Variants in MFAP1 observed in about 807,000 individuals in gnomAD.
MFAP1 encodes microfibrillar-associated protein 1.
A neutral mutation model predicts 62.2 loss-of-function variants in MFAP1; 18 were observed. The observed-to-expected ratio is 0.29, with a 90% CI of 0.20 to 0.43. The LOEUF (loss-of-function observed/expected upper bound fraction) is 0.43. Ranked by LOEUF, MFAP1 falls within the 20% of genes least tolerant of loss-of-function variation. The pLI is 1.00. For missense variants in MFAP1, 355 were observed against 559.7 expected (o/e 0.63, Z 3.69); for synonymous variants, 175 against 180.4 (o/e 0.97, Z 0.24).
intron 6 of MFAP1, among the ~76,000 whole-genome samples, chr15:43,811,272 G>A (rs1455962597): frequency 6.7e-6 from 1 of 150,304 alleles, no homozygotes; most frequent in Admixed American, 6.6e-5. Context: ...AAAATTAGCT[G>A]GGCGTGGTGG....
rs35298718 is a variant in MFAP1 at position 43,818,504 on chromosome 15, CAA to C, written c.80-1058_80-1057del. ...TTTATCCCAGCAATATAAAAACTAC[CAA>C]AAAAAAAAAAAGAAACAAAAAAAAA... On this transcript the variant is annotated intron_variant, in intron 1 of 8. Transcript: ENST00000267812. Among the ~76,000 whole-genome samples the C allele has an allele frequency of 2.0e-3, 248 of 124,372 alleles. 1 individual carries two copies. Among genetic ancestry groups the C allele is most frequent in the East Asian group, 0.012 (52 of 4,316 alleles). 81.6% of individuals were successfully genotyped at this position (124,372 alleles called of 152,430 possible).
At chr15:43,807,355 A>ATT (rs1031733990) in intron 7 of MFAP1, among the ~76,000 whole-genome samples, 2 of 143,656 alleles carry the variant, frequency 1.4e-5, no homozygotes, top group Non-Finnish European at 1.5e-5. Context: ...TATATATTTA[A>ATT]TTTTTTTTTT....
Position 43,805,185 on chromosome 15 carries a change from C to T in MFAP1, c.1229G>A (p.Ser410Asn), listed in dbSNP as rs2087355073. The stretch of plus-strand genomic sequence containing the variant: ...TTTGAAGAACTTTGTGTTCTGGGCA[C>T]TCTCTTGGCCCCAAGCTGAGTCAAA... ...TSFDSAWGQE[S>N]AQNTKFFKQK... Residue 410 changes from serine (S) to asparagine (N), a missense_variant, in exon 9 of 9, where the codon AGT (serine) becomes AAT (asparagine). By Grantham distance (46) the Ser-to-Asn change is conservative (BLOSUM62 1). Around this residue, in one of 6 missense-constraint regions of MFAP1, gnomAD observed 44 missense variants for 80.8 expected, o/e 0.54. Transcript: ENST00000267812. 1.2e-6 allele frequency: 2 copies of T among 1,603,304 alleles called. No homozygotes were observed. The highest frequency in any genetic ancestry group is 1.7e-6 in the Non-Finnish European group (2 of 1,170,782).
At chr15:43,822,126 A>C (rs1465122256) in intron 1 of MFAP1, among the ~76,000 whole-genome samples, 1 of 151,030 alleles carries the variant, frequency 6.6e-6, no homozygotes, top group African/African-American at 2.4e-5. Flanking sequence ...CATCGGCCGG[A>C]CGCAGTAGCT....
At position 43,813,550 on chromosome 15, in the gene MFAP1, G is replaced by A. The variant is rs531114358; in HGVS notation, c.618-193C>T. ...TTTTTGAGACGGAGTCTCACTTGTC[G>A]CCTAGGCTGCAGTGCAGTGGTGTGA... On this transcript the variant is annotated intron_variant, in intron 4 of 8. Coordinates refer to ENST00000267812, the MANE Select transcript of MFAP1 (RefSeq NM_005926.3). 3.5e-3 allele frequency among the ~76,000 whole-genome samples: 454 copies of A among 128,062 alleles called. 3 individuals are homozygous for A. The highest frequency in any genetic ancestry group is 0.013 in the African/African-American group (432 of 33,532). 84.0% of individuals were successfully genotyped at this position (128,062 alleles called of 152,430 possible). A position where few individuals can be genotyped will look rare whatever the true frequency, so the allele number is the denominator to read the frequency against.
Position 43,805,479 on chromosome 15 carries a change from A to G in MFAP1, c.1048-14T>C. ...TTCATCCTCATCCTGTATAAAAAAA[A>G]TCTTATCAATCTTGTGGCTTTATTT... On this transcript the variant is annotated splice_polypyrimidine_tract_variant and intron_variant, in intron 7 of 8. Transcript: ENST00000267812. The G allele has an allele frequency of 6.3e-7, 1 of 1,591,242 alleles. No individual in the cohort carries two copies. Among genetic ancestry groups the G allele is most frequent in the Non-Finnish European group, 8.5e-7 (1 of 1,171,642 alleles).
At chr15:43,805,330 A>G (rs1279522604) in intron 8 of MFAP1, 46 bp downstream of exon 8, 3 of 1,603,592 alleles carry the variant, frequency 1.9e-6, no homozygotes, top group South Asian at 1.1e-5. Context: ...TGCCTCAGCT[A>G]TCAATACATC....
At chr15:43,822,523 G>A (rs1321504404) in intron 1 of MFAP1, among the ~76,000 whole-genome samples, 7 of 152,002 alleles carry the variant, frequency 4.6e-5, no homozygotes, top group Non-Finnish European at 8.8e-5. Flanking sequence ...ACAGGCGTGC[G>A]CCATCACACC....
At chr15:43,817,535 T>G (rs1175571139) in intron 1 of MFAP1, 87 bp from the exon 2 acceptor site, 2 of 1,287,350 alleles carry the variant, frequency 1.6e-6, no homozygotes, top group Non-Finnish European at 2.2e-6. Context: ...GAGCCCTTTA[T>G]TCATAGTAGA....
In MFAP1 at chr15:43,804,545, G is replaced by C. The variant is rs2087349522; in HGVS notation, c.*549C>G. ...ATAGGCAATTAATACTTGTCAGCTT[G>C]GACATTTTATTTCCAGTATCATGCT... On this transcript the variant is annotated 3_prime_UTR_variant, in exon 9 of 9. Coordinates refer to ENST00000267812, the MANE Select transcript of MFAP1 (RefSeq NM_005926.3). The C allele has an allele frequency of 6.6e-6, 1 of 152,082 alleles. No individual in the cohort carries two copies. Among genetic ancestry groups the C allele is most frequent in the Non-Finnish European group, 1.5e-5 (1 of 68,036 alleles). 9.4% of individuals were successfully genotyped at this position (152,082 alleles called of 1,614,324 possible). A position where few individuals can be genotyped will look rare whatever the true frequency, so the allele number is the denominator to read the frequency against.
intron 7 of MFAP1, among the ~76,000 whole-genome samples, chr15:43,807,590 C>T (rs932374393): frequency 5.3e-5 from 8 of 151,640 alleles, no homozygotes; most frequent in African/African-American, 1.7e-4. Flanking sequence ...CCTCATGATC[C>T]GCCTGCCTTG....
At chr15:43,816,328 C>T (rs545881979) in intron 2 of MFAP1, among the ~76,000 whole-genome samples, 6 of 147,756 alleles carry the variant, frequency 4.1e-5, no homozygotes, top group African/African-American at 1.5e-4. Context: ...TCACTGCAAT[C>T]TCTGCCTGCC....
rs551890091 is a variant in MFAP1 at position 43,807,130 on chromosome 15, C to T, written c.1048-1665G>A. ...CTTTGGGATACTGAGGTGGGCACAT[C>T]GCCTAAGGTCAGGAGTTCAAGACCA... On this transcript the variant is annotated intron_variant, in intron 7 of 8. Transcript: ENST00000267812. 3.0e-4 allele frequency among the ~76,000 whole-genome samples: 46 copies of T among 151,792 alleles called. 1 individual carries two copies. The highest frequency in any genetic ancestry group is 7.2e-4 in the Admixed American group (11 of 15,242).
intron 7 of MFAP1, among the ~76,000 whole-genome samples, chr15:43,806,665 G>A (rs1281477043): frequency 1.3e-5 from 2 of 151,736 alleles, no homozygotes; most frequent in Non-Finnish European, 2.9e-5. Flanking sequence ...ACGAGGTCAC[G>A]AGTTCAAGAC....
chr15:43,816,772 GCT>G (rs2087436566), intron 2 of MFAP1, among the ~76,000 whole-genome samples: 1 of 152,134 alleles, frequency 6.6e-6, no homozygotes, highest in African/African-American at 2.4e-5. Flanking sequence ...TCACTGGGAG[GCT>G]CTCTTTCTAC....
chr15:43,824,458 A>C, intron 1 of MFAP1, 33 bp downstream of exon 1: 2 of 1,612,072 alleles, frequency 1.2e-6, no homozygotes, highest in Non-Finnish European at 1.7e-6. Flanking sequence ...AAGGGGTTAA[A>C]ATTCGACTGG....
chr15:43,812,896 G>T (rs1045361201), intron 6 of MFAP1, 91 bp downstream of exon 6: 1 of 1,423,484 alleles, frequency 7.0e-7, no homozygotes, highest in African/African-American at 1.4e-5. Context: ...TGGCTAGAAT[G>T]GAACTCACAG....
Position 43,824,573 on chromosome 15 carries a change from G to A in MFAP1, c.-4C>T, listed in dbSNP as rs769603823. 1 of 1,614,188 alleles carries A rather than the reference G, an allele frequency of 6.2e-7. No homozygotes were observed. ...TGAGAGCGCTTGGGACCGACATGTT[G>A]ATGGCAGCGACGGTGATTCCCGAAA... On this transcript the variant is annotated 5_prime_UTR_variant, in exon 1 of 9. Transcript: ENST00000267812.
intron 1 of MFAP1, among the ~76,000 whole-genome samples, chr15:43,823,128 C>T (rs1445364867): frequency 2.0e-5 from 3 of 150,910 alleles, no homozygotes; most frequent in Non-Finnish European, 4.4e-5. Flanking sequence ...TGAGCCACCG[C>T]GCCGGGCCCT....
Sources: gnomAD v4.1 joint callset for allele counts (sites outside exome capture counted in the v4.1 genomes callset) on GRCh38, gnomAD v4.1.1 for gene constraint, gnomAD v4.1.1 regional missense constraint, MANE v1.5 for transcripts, NCBI Gene and HGNC (gene_info 2026-07-23, HGNC 2026-07-21) for gene names.